Variants in SHROOM1 observed in about 807,000 individuals in gnomAD.
SHROOM1 encodes the protein shroom family member 1.
SHROOM1 carries 53 observed loss-of-function variants against 64.2 expected under a neutral mutation model. The ratio of observed to expected loss-of-function variants is 0.83; its 90% confidence interval spans 0.66 to 1.04. SHROOM1 has a LOEUF of 1.04. Among genes scored for constraint, SHROOM1 ranks in the 50% least tolerant of loss-of-function variants. SHROOM1 has a pLI of 0.00. For synonymous variants in SHROOM1, 490 were observed against 518.9 expected, an observed-to-expected ratio of 0.94 and a Z score of 0.76; for missense variants, 1,179 against 1,163.2, an observed-to-expected ratio of 1.01 and a Z score of -0.20.
chr5:132,829,859 AC>A, intron 1 of SHROOM1: 1 of 985,286 alleles, frequency 1.0e-6, no homozygotes, highest in Non-Finnish European at 1.2e-6. Context: ...CTGACAGCGC[AC>A]CCCACGCAGC....
At chr5:132,824,463 A>G in intron 6 of SHROOM1, 44 bp from the exon 7 acceptor site, 3 of 1,522,770 alleles carry the variant, frequency 2.0e-6, no homozygotes, top group Non-Finnish European at 1.8e-6. Context: ...CTCCAGCCAC[A>G]AACAAATGGT....
In SHROOM1 at chr5:132,822,654, C is replaced by T. The variant is rs1758480644; in HGVS notation, c.*142G>A. 8.9e-6 allele frequency: 9 copies of T among 1,016,456 alleles called. No individual in the cohort carries two copies. The highest frequency in any genetic ancestry group is 5.1e-5 in the South Asian group (3 of 58,382). 63.0% of individuals were successfully genotyped at this position (1,016,456 alleles called of 1,614,324 possible). A position where few individuals can be genotyped will look rare whatever the true frequency, so the allele number is the denominator to read the frequency against. On this transcript the variant is annotated 3_prime_UTR_variant, in exon 10 of 10. Transcript: ENST00000378679. ...CTGGGATTACAGGCGTGAGCCACCGCGCCCGGCTGGAGGAGTATCTTAGAA... is the reference window on the plus strand; with the variant it reads ...CTGGGATTACAGGCGTGAGCCACCGTGCCCGGCTGGAGGAGTATCTTAGAA...
At chr5:132,829,247 C>CG (rs773357292) in intron 1 of SHROOM1, among the ~76,000 whole-genome samples, 114 of 152,162 alleles carry the variant, frequency 7.5e-4, no homozygotes, top group Non-Finnish European at 1.3e-3. Context: ...AGGAAGGAGA[C>CG]GAAGATGAGA....
rs760790999 is a variant in SHROOM1 at position 132,823,039 on chromosome 5, G to A, written c.2316C>T (p.Ala772=). The A allele has an allele frequency of 1.3e-6, 2 of 1,599,178 alleles. No individual in the cohort carries two copies. The highest frequency in any genetic ancestry group is 1.7e-6 in the Non-Finnish European group (2 of 1,178,882). The change falls in exon 10 of 10, where the codon GCC becomes GCT. Residue 772 remains alanine, a synonymous_variant. Coordinates refer to ENST00000378679, the MANE Select transcript of SHROOM1 (RefSeq NM_001172700.2). The surrounding 1 kb of genome is among the most constrained non-coding windows in gnomAD (Gnocchi z 4.6). The part of the protein sequence containing the change: ...LKEHVARRER[A]VREVLVRALP... ...GTGCTCGCACCAGCACCTCCCGCAC[G>A]GCCCGCTCGCGCCGCGCTACGTGCT...
In SHROOM1 at chr5:132,825,343, A is replaced by G. The variant is rs1441270508; in HGVS notation, c.798T>C (p.Ala266=). ...EPLEFQHPAL[A]KFEDHEVGWL... ...ATCCGACCTCGTGATCTTCAAACTTAGCCAGCGCCGGATGCTGGAACTCCA... is the reference window on the plus strand; with the variant it reads ...ATCCGACCTCGTGATCTTCAAACTTGGCCAGCGCCGGATGCTGGAACTCCA... Residue 266 remains alanine, a synonymous_variant, in exon 4 of 10, where the codon GCT becomes GCC. Coordinates refer to ENST00000378679, the MANE Select transcript of SHROOM1 (RefSeq NM_001172700.2). The surrounding 1 kb of genome is among the most constrained non-coding windows in gnomAD (Gnocchi z 5.1). 4 of 1,603,520 alleles carry G rather than the reference A, an allele frequency of 2.5e-6. No individual in the cohort carries two copies. In the South Asian group the frequency reaches 4.4e-5, roughly 18 times the overall value.
Position 132,822,970 on chromosome 5 carries a change from G to T in SHROOM1, c.2385C>A (p.Gly795=). 1 of 1,609,994 alleles carries T rather than the reference G, an allele frequency of 6.2e-7. No homozygotes were observed. The highest frequency in any genetic ancestry group is 8.5e-7 in the Non-Finnish European group (1 of 1,179,776). ...ELRVYCALLA[G]KAAVLAQQRN... The stretch of plus-strand genomic sequence containing the variant: ...GCTGCTGGGCCAGGACGGCGGCCTT[G>T]CCCGCCAGCAGGGCGCAATAGACGC... Residue 795 remains glycine (G), a synonymous_variant, in exon 10 of 10, where the codon GGC becomes GGA. Transcript: ENST00000378679.
chr5:132,827,014 CTAT>C (rs1336090167), intron 2 of SHROOM1, among the ~76,000 whole-genome samples: 1 of 152,248 alleles, frequency 6.6e-6, no homozygotes, highest in African/African-American at 2.4e-5. Flanking sequence ...TCCCCATACA[CTAT>C]TGGCAGATTC....
rs1161941463 is a variant in SHROOM1 at position 132,823,522 on chromosome 5, C to T, written c.1954G>A (p.Val652Met). The change falls in exon 9 of 10, where the codon GTG becomes ATG. Residue 652 changes from valine (V) to methionine (M), a missense_variant and splice_region_variant. Val to Met is a conservative substitution (Grantham distance 21). Transcript: ENST00000378679. The surrounding 1 kb of genome is among the most constrained non-coding windows in gnomAD (Gnocchi z 4.6). ...TTTTGGAGGCGGGCGGCCAGCTCCA[C>T]CTACAGGGAAGGCTCAAGGCTGGGG... Reference protein sequence around the residue: ...APNNSIQGKKVELAARLQKML... With the variant: ...APNNSIQGKKMELAARLQKML... The T allele has an allele frequency of 6.3e-7, 1 of 1,598,270 alleles. No homozygotes were observed. The highest frequency in any genetic ancestry group is 8.6e-7 in the Non-Finnish European group (1 of 1,168,604).
In SHROOM1 at chr5:132,825,919, C is replaced by A; in HGVS notation, c.222G>T (p.Pro74=). 7.3e-7 allele frequency: 1 copy of A among 1,365,644 alleles called. No homozygotes were observed. 84.6% of individuals were successfully genotyped at this position (1,365,644 alleles called of 1,614,324 possible). ...GGGATGTGCAAAGGGCAGCGTCGGGCGGGGCGGGGCCCGGGCCGCCCCAAA... is the reference window on the plus strand; with the variant it reads ...GGGATGTGCAAAGGGCAGCGTCGGGAGGGGCGGGGCCCGGGCCGCCCCAAA... ...RVVWGGPGPA[P]PDAALCTSPR... The change falls in exon 4 of 10, where the codon CCG becomes CCT. Residue 74 remains proline (P), a synonymous_variant. Coordinates refer to ENST00000378679, the MANE Select transcript of SHROOM1 (RefSeq NM_001172700.2). This position sits in a 1 kb window ranked among gnomAD's most constrained non-coding sequence, Gnocchi z 5.1.
Position 132,825,469 on chromosome 5 carries a change from T to A in SHROOM1, c.672A>T (p.Ser224=), listed in dbSNP as rs1758647112. The part of the protein sequence containing the change: ...LANQQRKWCF[S]EPGKLDRVGR... The stretch of plus-strand genomic sequence containing the variant: ...CCACACGATCCAGCTTTCCTGGCTC[T>A]GAGAAGCACCACTTCCGCTGCTGGT... The change falls in exon 4 of 10, where the codon TCA becomes TCT. Residue 224 remains serine (S), a synonymous_variant. Transcript: ENST00000378679. The surrounding 1 kb of genome is among the most constrained non-coding windows in gnomAD (Gnocchi z 5.1). The A allele has an allele frequency of 6.4e-7, 1 of 1,557,554 alleles. No individual in the cohort carries two copies. Among genetic ancestry groups the A allele is most frequent in the African/African-American group, 1.4e-5 (1 of 73,468 alleles).
rs1159704636 is a variant in SHROOM1 at position 132,823,156 on chromosome 5, G to A, written c.2227-28C>T. On this transcript the variant is annotated intron_variant, in intron 9 of 9. Transcript: ENST00000378679. This position sits in a 1 kb window ranked among gnomAD's most constrained non-coding sequence, Gnocchi z 4.6. ...TGAGCCGCAGGAAGAGGCGCCGTGA[G>A]CCGGGTGAGGGCGCCGCCGCTCCCG... The A allele has an allele frequency of 6.5e-7, 1 of 1,544,984 alleles. No homozygotes were observed.
In SHROOM1 at chr5:132,825,700, GC is replaced by G; in HGVS notation, c.440del (p.Gly147AlafsTer19). 1 of 1,328,186 alleles carries G rather than the reference GC, an allele frequency of 7.5e-7. No individual in the cohort carries two copies. Among genetic ancestry groups the G allele is most frequent in the South Asian group, 2.2e-5 (1 of 44,944 alleles). 82.3% of individuals were successfully genotyped at this position (1,328,186 alleles called of 1,614,324 possible). ...TCTCCCGGAGCACTCGCCGCTGCGC[GC>G]CCTGAAGCCGCTGGCGGTAGGCGGC... ...SRAAYRQRLQ[G>X]AQRRVLRETS... On this transcript the variant is annotated frameshift_variant, in exon 4 of 10. Transcript: ENST00000378679. LOFTEE classifies it high-confidence loss of function. The surrounding 1 kb of genome is among the most constrained non-coding windows in gnomAD (Gnocchi z 5.1).
rs1488922922 is a variant in SHROOM1 at position 132,829,828 on chromosome 5, C to T, written c.-501+766G>A. 4 of 985,370 alleles carry T rather than the reference C, an allele frequency of 4.1e-6. No homozygotes were observed. The Admixed American group carries it at 2.5e-4, about 61-fold the overall frequency. The allele number at this position is 985,370 out of a possible 1,614,324, so 61.0% of individuals were successfully genotyped here. A position where few individuals can be genotyped will look rare whatever the true frequency, so the allele number is the denominator to read the frequency against. On this transcript the variant is annotated intron_variant, in intron 1 of 9. Transcript: ENST00000378679. Reference sequence around the variant, plus strand: ...GGCTCTCCCTGTCCCCAGCGTCCCCCGTTCTCCCAGCCTGTCCGCGCTGAC... The same window carrying T: ...GGCTCTCCCTGTCCCCAGCGTCCCCTGTTCTCCCAGCCTGTCCGCGCTGAC...
Position 132,823,206 on chromosome 5 carries a change from G to A in SHROOM1, c.2226+44C>T, listed in dbSNP as rs1053585258. 1 of 1,561,984 alleles carries A rather than the reference G, an allele frequency of 6.4e-7. No homozygotes were observed. Among genetic ancestry groups the A allele is most frequent in the Admixed American group, 1.8e-5 (1 of 55,012 alleles). ...GGAATGGTTCCAGCCGGAGACAGCAGGCCCCTCACCGCCCTACTCGCTTGC... is the reference window on the plus strand; with the variant it reads ...GGAATGGTTCCAGCCGGAGACAGCAAGCCCCTCACCGCCCTACTCGCTTGC... On this transcript the variant is annotated intron_variant, in intron 9 of 9. Coordinates refer to ENST00000378679, the MANE Select transcript of SHROOM1 (RefSeq NM_001172700.2). The surrounding 1 kb of genome is among the most constrained non-coding windows in gnomAD (Gnocchi z 4.6).
Position 132,823,547 on chromosome 5 carries a change from G to A in SHROOM1, c.1954-25C>T. The A allele has an allele frequency of 1.3e-6, 2 of 1,579,948 alleles. No homozygotes were observed. The highest frequency in any genetic ancestry group is 1.7e-4 in the Middle Eastern group (1 of 5,906). Reference sequence around the variant, plus strand: ...CCTACAGGGAAGGCTCAAGGCTGGGGCCAGGCTCATGACTTCCCTGCCCAG... The same window carrying A: ...CCTACAGGGAAGGCTCAAGGCTGGGACCAGGCTCATGACTTCCCTGCCCAG... On this transcript the variant is annotated intron_variant, in intron 8 of 9. Coordinates refer to ENST00000378679, the MANE Select transcript of SHROOM1 (RefSeq NM_001172700.2). The surrounding 1 kb of genome is among the most constrained non-coding windows in gnomAD (Gnocchi z 4.6).
At chr5:132,828,994 C>T (rs917729935) in intron 1 of SHROOM1, among the ~76,000 whole-genome samples, 1 of 152,206 alleles carries the variant, frequency 6.6e-6, no homozygotes, top group Non-Finnish European at 1.5e-5. Context: ...GGTAGCCCTA[C>T]CTTAGGGGTC....
Position 132,826,054 on chromosome 5 carries a change from C to CGCGCGCATGGACAGATGCCACAGGTCCAT in SHROOM1, c.86_87insATGGACCTGTGGCATCTGTCCATGCGCGC (p.Asp30TrpfsTer39). ...CGGAGAAAGAGCTGTAGGCCGAGTC[C>CGCGCGCATGGACAGATGCCACAGGTCCAT]GCGCGCATGGACAGATGCCACAGGT... On this transcript the variant is annotated frameshift_variant, in exon 4 of 10. Transcript: ENST00000378679. LOFTEE classifies it high-confidence loss of function. The CGCGCGCATGGACAGATGCCACAGGTCCAT allele has an allele frequency of 6.7e-7, 1 of 1,497,074 alleles. No individual in the cohort carries two copies. 92.7% of individuals were successfully genotyped at this position (1,497,074 alleles called of 1,614,324 possible).
rs968088791 is a variant in SHROOM1, at chr5:132,825,866, C to G, written c.275G>C (p.Arg92Pro). The G allele has an allele frequency of 1.0e-5, 13 of 1,295,612 alleles. No individual in the cohort carries two copies. The African/African-American group carries it at 2.0e-4, about 20-fold the overall frequency. The allele number at this position is 1,295,612 out of a possible 1,614,324, so 80.3% of individuals were successfully genotyped here. The change falls in exon 4 of 10, where the codon CGC becomes CCC. Residue 92 changes from arginine to proline, a missense_variant. Coordinates refer to ENST00000378679, the MANE Select transcript of SHROOM1 (RefSeq NM_001172700.2). This position sits in a 1 kb window ranked among gnomAD's most constrained non-coding sequence, Gnocchi z 5.1. ...GACCTCTGTTGGCTGCGGCCCACTGCGGGCTGCAACCGCGGGCCGGGGCCG... is the reference window on the plus strand; with the variant it reads ...GACCTCTGTTGGCTGCGGCCCACTGGGGGCTGCAACCGCGGGCCGGGGCCG... ...SPRPRPAVAA[R>P]SGPQPTEVPG...
chr5:132,826,307 C>G lies in SHROOM1; in HGVS notation c.-73G>C. ...CCCTCCCTGGTCACACCGTCACAAG[C>G]GCTGGCATCCCCCAGATTTTGGCAG... is the stretch of plus-strand genomic sequence containing the variant. On this transcript the variant is annotated 5_prime_UTR_variant, in exon 3 of 10. Coordinates refer to ENST00000378679, the MANE Select transcript of SHROOM1 (RefSeq NM_001172700.2). 5 of 1,238,428 alleles carry G rather than the reference C, an allele frequency of 4.0e-6. No homozygotes were observed. Among genetic ancestry groups the G allele is most frequent in the Non-Finnish European group, 5.0e-6 (5 of 991,888 alleles). The allele number at this position is 1,238,428 out of a possible 1,614,324, so 76.7% of individuals were successfully genotyped here.
Sources: gnomAD v4.1 joint callset for allele counts (sites outside exome capture counted in the v4.1 genomes callset) on GRCh38, gnomAD v4.1.1 for gene constraint, Gnocchi (gnomAD v3.1) non-coding constraint, MANE v1.5 for transcripts, NCBI Gene and HGNC (gene_info 2026-07-23, HGNC 2026-07-21) for gene names.